KCNK13: variants seen among roughly 807,000 people sequenced by gnomAD.
KCNK13 encodes potassium two pore domain channel subfamily K member 13, also known as potassium channel subfamily K member 13.
Under a neutral mutation model 23.4 loss-of-function variants are expected in KCNK13, and 12 were observed. The ratio of observed to expected loss-of-function variants is 0.51; its 90% CI spans 0.33 to 0.83. The LOEUF (loss-of-function observed/expected upper bound fraction) is 0.83. Ranked by LOEUF, KCNK13 falls within the 40% of genes least tolerant of loss-of-function variation. KCNK13 has a pLI of 0.02. For synonymous variants in KCNK13, 231 were observed against 229.5 expected (o/e 1.01, Z -0.06); for missense variants, 463 against 556.3 (o/e 0.83, Z 1.69).
intron 1 of KCNK13, chr14:90,107,738 A>C (rs1596780936): frequency 1.3e-6 from 1 of 795,382 alleles, no homozygotes; most frequent in African/African-American, 1.7e-5. Context: ...CATCAAGCCC[A>C]CCTTCCCATT....
chr14:90,134,603 T>C (rs1889913574), intron 1 of KCNK13, among the ~76,000 whole-genome samples: 1 of 152,184 alleles, frequency 6.6e-6, no homozygotes, highest in Non-Finnish European at 1.5e-5. Context: ...GCAGCTCACG[T>C]TATTTAACTC....
intron 1 of KCNK13, among the ~76,000 whole-genome samples, chr14:90,180,449 A>T (rs888941956): frequency 2.0e-5 from 3 of 152,156 alleles, no homozygotes; most frequent in Admixed American, 1.3e-4. Context: ...CAGCGCTGAG[A>T]GTAGTAAAAC....
At chr14:90,166,305 C>G (rs755926950) in intron 1 of KCNK13, among the ~76,000 whole-genome samples, 1 of 152,234 alleles carries the variant, frequency 6.6e-6, no homozygotes, top group Non-Finnish European at 1.5e-5. Flanking sequence ...AATGATAGCT[C>G]AAGCACAGAG....
chr14:90,136,814 C>T (rs1889942114), intron 1 of KCNK13, among the ~76,000 whole-genome samples: 1 of 151,996 alleles, frequency 6.6e-6, no homozygotes, highest in South Asian at 2.1e-4. Flanking sequence ...CAGGTTGAAC[C>T]GAGAGGGTCA....
chr14:90,144,026 T>G (rs1306083986), intron 1 of KCNK13, among the ~76,000 whole-genome samples: 2 of 152,240 alleles, frequency 1.3e-5, no homozygotes, highest in African/African-American at 4.8e-5. Context: ...TTGTTCTTTT[T>G]CAAAGTTGCT....
intron 1 of KCNK13, among the ~76,000 whole-genome samples, chr14:90,144,980 C>G (rs1437431604): frequency 6.6e-6 from 1 of 151,964 alleles, no homozygotes; most frequent in Non-Finnish European, 1.5e-5. Flanking sequence ...CCTATCCATT[C>G]CTAGTTTGCT....
At chr14:90,123,572 A>G (rs1176536627) in intron 1 of KCNK13, among the ~76,000 whole-genome samples, 1 of 152,194 alleles carries the variant, frequency 6.6e-6, no homozygotes, top group East Asian at 1.9e-4. Flanking sequence ...TTAGTCCATA[A>G]CAGAAGGCAA....
chr14:90,165,711 C>T (rs144636624), intron 1 of KCNK13, among the ~76,000 whole-genome samples: 71 of 152,330 alleles, frequency 4.7e-4, no homozygotes, highest in Middle Eastern at 6.8e-3. Flanking sequence ...AATTGGGACA[C>T]CTCCTTGAGA....
At chr14:90,101,790 CAAA>C (rs546423368) in intron 1 of KCNK13, among the ~76,000 whole-genome samples, 30 of 55,582 alleles carry the variant, frequency 5.4e-4, no homozygotes, top group East Asian at 1.4e-3. Context: ...ACTCCGTCTC[CAAA>C]AAAAAAAAAA....
rs1890522448 is a variant in KCNK13 at position 90,184,361 on chromosome 14, C to T, written c.585C>T (p.Tyr195=). The stretch of plus-strand genomic sequence containing the variant: ...TGGCCGGCTGGAAGCCCTCCGTGTA[C>T]TACGTCATGCTGATCCTATGCACAG... ...DSLAGWKPSV[Y]YVMLILCTAS... The change falls in exon 2 of 2, where the codon TAC becomes TAT. Residue 195 remains tyrosine (Y), a synonymous_variant. Coordinates refer to ENST00000282146, the MANE Select transcript of KCNK13 (RefSeq NM_022054.4). The surrounding 1 kb of genome is among the most constrained non-coding windows in gnomAD (Gnocchi z 5.6). The T allele has an allele frequency of 3.1e-6, 5 of 1,614,262 alleles. No individual in the cohort carries two copies. The highest frequency in any genetic ancestry group is 4.2e-6 in the Non-Finnish European group (5 of 1,180,052).
At chr14:90,176,892 C>A (rs547896510) in intron 1 of KCNK13, among the ~76,000 whole-genome samples, 1 of 151,868 alleles carries the variant, frequency 6.6e-6, no homozygotes, top group South Asian at 2.1e-4. Flanking sequence ...TGGTGGCATG[C>A]GCCTGTAGTC....
chr14:90,085,687 T>G (rs1566948784), intron 1 of KCNK13, among the ~76,000 whole-genome samples: 1 of 142,284 alleles, frequency 7.0e-6, no homozygotes, highest in Non-Finnish European at 1.5e-5. Flanking sequence ...TATATTTTAT[T>G]TATGTATATA....
chr14:90,185,263 G>A lies in KCNK13; in HGVS notation c.*260G>A, dbSNP rs1475571651. The A allele has an allele frequency of 2.6e-6, 1 of 381,858 alleles. No homozygotes were observed. The highest frequency in any genetic ancestry group is 4.7e-6 in the Non-Finnish European group (1 of 213,438). The allele number at this position is 381,858 out of a possible 1,614,324, so 23.7% of individuals were successfully genotyped here. ...AGTCTTTTCAAAACAAATCACAAAA[G>A]CAGCATTAGACATTGCCTTGTTTCA... is the stretch of plus-strand genomic sequence containing the variant. On this transcript the variant is annotated 3_prime_UTR_variant, in exon 2 of 2. Transcript: ENST00000282146.
chr14:90,072,882 T>C (rs1889092467), intron 1 of KCNK13, among the ~76,000 whole-genome samples: 1 of 152,172 alleles, frequency 6.6e-6, no homozygotes, highest in African/African-American at 2.4e-5. Context: ...AATAAAAGTA[T>C]GAAATTTTGG....
rs183375436 is a variant in KCNK13, at chr14:90,124,837, C to A, written c.335-59274C>A. Among the ~76,000 whole-genome samples the A allele has an allele frequency of 9.8e-5, 15 of 152,314 alleles. No individual in the cohort carries two copies. In the East Asian group the frequency reaches 2.9e-3, roughly 29 times the overall value. The stretch of plus-strand genomic sequence containing the variant: ...GCAATAGAAAATGAATACAGCTAAA[C>A]TCTGAAAAATACAATAAGAAGACAA... On this transcript the variant is annotated intron_variant, in intron 1 of 1. Coordinates refer to ENST00000282146, the MANE Select transcript of KCNK13 (RefSeq NM_022054.4).
At chr14:90,123,223 C>A (rs1889759066) in intron 1 of KCNK13, among the ~76,000 whole-genome samples, 1 of 152,176 alleles carries the variant, frequency 6.6e-6, no homozygotes, top group Non-Finnish European at 1.5e-5. Context: ...ATAACCAAGC[C>A]ACTGGGTGGC....
intron 1 of KCNK13, among the ~76,000 whole-genome samples, chr14:90,103,029 G>A (rs746613173): frequency 6.6e-5 from 10 of 152,170 alleles, no homozygotes; most frequent in Non-Finnish European, 1.0e-4. Flanking sequence ...AGAACATGCA[G>A]TATTTGGCTT....
rs1222623078 is a variant in KCNK13 at position 90,062,901 on chromosome 14, T to C, written c.334+362T>C. On this transcript the variant is annotated intron_variant, in intron 1 of 1. Transcript: ENST00000282146. This position sits in a 1 kb window ranked among gnomAD's most constrained non-coding sequence, Gnocchi z 4.5. ...CTAATGAAGGAGACACGGCTTGAGT[T>C]CATGGGGAAGAAGGCTTTTACAGAT... is the stretch of plus-strand genomic sequence containing the variant. Among the ~76,000 whole-genome samples the C allele has an allele frequency of 1.3e-5, 2 of 152,090 alleles. No individual in the cohort carries two copies. Among genetic ancestry groups the C allele is most frequent in the Non-Finnish European group, 1.5e-5 (1 of 67,994 alleles).
At chr14:90,131,627 A>C (rs1189710500) in intron 1 of KCNK13, among the ~76,000 whole-genome samples, 1 of 152,218 alleles carries the variant, frequency 6.6e-6, no homozygotes. Context: ...TCCTAGGCTC[A>C]GATGATCCTC....
Sources: gnomAD v4.1 joint callset for allele counts (sites outside exome capture counted in the v4.1 genomes callset) on GRCh38, gnomAD v4.1.1 for gene constraint, Gnocchi (gnomAD v3.1) non-coding constraint, MANE v1.5 for transcripts, NCBI Gene and HGNC (gene_info 2026-07-23, HGNC 2026-07-21) for gene names.